Variants in CACNB2 observed in about 807,000 individuals in gnomAD.
CACNB2 encodes voltage-dependent L-type calcium channel subunit beta-2.
Under a neutral mutation model 73.3 loss-of-function variants are expected in CACNB2, and 42 were observed. The observed-to-expected ratio is 0.57, with a 90% CI of 0.45 to 0.74. The LOEUF (loss-of-function observed/expected upper bound fraction) is 0.74, where lower values mean the gene tolerates loss of function less well. CACNB2 is among the 30% of genes least tolerant of loss of function. The pLI is 0.00. For synonymous variants in CACNB2, 348 were observed against 310.3 expected (o/e 1.12, Z -1.28); for missense variants, 940 against 853.0 (o/e 1.10, Z -1.27).
intron 2 of CACNB2, among the ~76,000 whole-genome samples, chr10:18,301,228 G>A (rs1369079989): frequency 6.6e-6 from 1 of 152,164 alleles, no homozygotes; most frequent in East Asian, 1.9e-4. Flanking sequence ...AGTCAAACCA[G>A]GGGAGTGACG....
Position 18,377,352 on chromosome 10 carries a change from A to T in CACNB2, c.214-24572A>T, listed in dbSNP as rs184517874. On this transcript the variant is annotated intron_variant, in intron 2 of 13. Coordinates refer to ENST00000324631, the MANE Select transcript of CACNB2 (RefSeq NM_201596.3). ...GTATTGACATCTTGTGAGCTATATA[A>T]TATTATGTCTGGTGTATCCTGTAAT... Among the ~76,000 whole-genome samples the T allele has an allele frequency of 6.8e-4, 103 of 152,314 alleles. No individual in the cohort carries two copies. In the Middle Eastern group the frequency reaches 0.024, roughly 35 times the overall value.
At chr10:18,414,472 G>A (rs1453879591) in intron 3 of CACNB2, among the ~76,000 whole-genome samples, 1 of 144,272 alleles carries the variant, frequency 6.9e-6, no homozygotes, top group Non-Finnish European at 1.5e-5. Flanking sequence ...CAGAATCCTT[G>A]TTACTACTAC....
intron 2 of CACNB2, among the ~76,000 whole-genome samples, chr10:18,257,710 C>T (rs2131581749): frequency 6.6e-6 from 1 of 152,190 alleles, no homozygotes; most frequent in African/African-American, 2.4e-5. Context: ...GGAGTTGTTC[C>T]CTTGGCGTTC....
At chr10:18,359,582 A>T (rs2042063029) in intron 2 of CACNB2, among the ~76,000 whole-genome samples, 1 of 150,160 alleles carries the variant, frequency 6.7e-6, no homozygotes, top group African/African-American at 2.4e-5. Flanking sequence ...CCTGAAGCTT[A>T]TAAGTAACAT....
chr10:18,347,193 G>A lies in CACNB2; in HGVS notation c.214-54731G>A, dbSNP rs574200804. 1.2e-3 allele frequency among the ~76,000 whole-genome samples: 182 copies of A among 151,634 alleles called. 2 individuals carry two copies. In the South Asian group the frequency reaches 0.013, roughly 11 times the overall value. On this transcript the variant is annotated intron_variant, in intron 2 of 13. Transcript: ENST00000324631. Reference sequence around the variant, plus strand: ...TTTTATTTTATTTTATTTTTGAGACGGAGTTTCTCTCTGTTACCCAGGCTG... The same window carrying A: ...TTTTATTTTATTTTATTTTTGAGACAGAGTTTCTCTCTGTTACCCAGGCTG...
At chr10:18,272,972 G>A (rs975214669) in intron 2 of CACNB2, among the ~76,000 whole-genome samples, 1 of 152,190 alleles carries the variant, frequency 6.6e-6, no homozygotes, top group Non-Finnish European at 1.5e-5. Flanking sequence ...CATAGACTCT[G>A]AATCTCAGGG....
chr10:18,489,390 C>CA (rs66974116), intron 3 of CACNB2, among the ~76,000 whole-genome samples: 1,335 of 59,172 alleles, frequency 0.023, 34 homozygotes, highest in South Asian at 0.13. Flanking sequence ...AACTCCATCT[C>CA]AAAAAAAAAA....
intron 3 of CACNB2, among the ~76,000 whole-genome samples, chr10:18,473,147 A>G (rs1023542066): frequency 6.6e-6 from 1 of 152,112 alleles, no homozygotes; most frequent in Non-Finnish European, 1.5e-5. Context: ...AAAATTGTCC[A>G]CGCTTTAGCT....
chr10:18,446,890 C>A (rs182814713), intron 3 of CACNB2, among the ~76,000 whole-genome samples: 1 of 151,900 alleles, frequency 6.6e-6, no homozygotes, highest in Non-Finnish European at 1.5e-5. Flanking sequence ...TACAGTGAGA[C>A]CCTGTCTCTA....
At chr10:18,294,364 A>G (rs1219226507) in intron 2 of CACNB2, among the ~76,000 whole-genome samples, 2 of 152,234 alleles carry the variant, frequency 1.3e-5, no homozygotes, top group African/African-American at 4.8e-5. Flanking sequence ...GAGGCTTATC[A>G]GATCATCCTG....
At chr10:18,397,651 G>T (rs1324951732) in intron 2 of CACNB2, among the ~76,000 whole-genome samples, 2 of 150,134 alleles carry the variant, frequency 1.3e-5, no homozygotes, top group Non-Finnish European at 3.0e-5. Flanking sequence ...GGAGATGGAG[G>T]TTGCAGTGAG....
At chr10:18,344,526 C>T (rs940417903) in intron 2 of CACNB2, among the ~76,000 whole-genome samples, 1 of 151,934 alleles carries the variant, frequency 6.6e-6, no homozygotes, top group Non-Finnish European at 1.5e-5. Flanking sequence ...CCTCCACCAA[C>T]CCCAGCTAAT....
chr10:18,261,063 G>T, intron 2 of CACNB2: 1 of 1,251,910 alleles, frequency 8.0e-7, no homozygotes, highest in South Asian at 2.3e-5. Context: ...CCCAAAAAAA[G>T]ACAAACAGGG....
At chr10:18,422,182 G>T (rs529593733) in intron 3 of CACNB2, among the ~76,000 whole-genome samples, 1 of 152,310 alleles carries the variant, frequency 6.6e-6, no homozygotes, top group South Asian at 2.1e-4. Flanking sequence ...CCTTAGGTTG[G>T]TTTACTAGTC....
chr10:18,144,783 G>A (rs1016654029), intron 1 of CACNB2, among the ~76,000 whole-genome samples: 5 of 152,210 alleles, frequency 3.3e-5, no homozygotes, highest in African/African-American at 9.7e-5. Context: ...CAAATGCATT[G>A]TTACAATTAA....
At chr10:18,317,886 G>T (rs1342393039) in intron 2 of CACNB2, among the ~76,000 whole-genome samples, 3 of 152,080 alleles carry the variant, frequency 2.0e-5, no homozygotes, top group Non-Finnish European at 4.4e-5. Context: ...TGCTCTAAAA[G>T]AATCTATTTT....
chr10:18,528,144 TC>T (rs2052660807), intron 10 of CACNB2, among the ~76,000 whole-genome samples: 1 of 152,222 alleles, frequency 6.6e-6, no homozygotes, highest in Non-Finnish European at 1.5e-5. Flanking sequence ...ATTCCTTAAT[TC>T]CAGTTATATA....
At chr10:18,538,056 C>G (rs2053780384) in intron 12 of CACNB2, 124 bp from the exon 13 acceptor site, 1 of 892,826 alleles carries the variant, frequency 1.1e-6, no homozygotes, top group Admixed American at 1.8e-5. Flanking sequence ...AGTAGCAGCA[C>G]TTATAGAAGC....
intron 2 of CACNB2, among the ~76,000 whole-genome samples, chr10:18,396,011 C>T (rs2043696686): frequency 6.6e-6 from 1 of 152,190 alleles, no homozygotes; most frequent in South Asian, 2.1e-4. Flanking sequence ...AGCTGGAGTA[C>T]AGTGTTGTAT....
Sources: gnomAD v4.1 joint callset for allele counts (sites outside exome capture counted in the v4.1 genomes callset) on GRCh38, gnomAD v4.1.1 for gene constraint, MANE v1.5 for transcripts, NCBI Gene and HGNC (gene_info 2026-07-23, HGNC 2026-07-21) for gene names.